OCA2: variants seen among roughly 807,000 people sequenced by gnomAD.
The protein encoded by OCA2 is OCA2 melanosomal transmembrane protein, also known as P protein.
Under a neutral mutation model 100.2 loss-of-function variants are expected in OCA2, and 77 were observed. The observed-to-expected ratio is 0.77, with a 90% CI of 0.64 to 0.93. The LOEUF (loss-of-function observed/expected upper bound fraction) is 0.93, where lower values mean the gene tolerates loss of function less well. OCA2 is among the 40% of genes least tolerant of loss of function. The pLI, the probability that OCA2 is intolerant of heterozygous loss-of-function variation, is 0.00. For synonymous variants in OCA2, 432 were observed against 439.2 expected (o/e 0.98, Z 0.21); for missense variants, 1,062 against 1,089.1 (o/e 0.98, Z 0.35).
At chr15:27,966,985 C>T (rs2040591216) in intron 14 of OCA2, among the ~76,000 whole-genome samples, 163 bp from the exon 15 acceptor site, 1 of 152,184 alleles carries the variant, frequency 6.6e-6, no homozygotes, top group African/African-American at 2.4e-5. Flanking sequence ...AAAAAATTAA[C>T]TGGGCGTGGT....
intron 6 of OCA2, among the ~76,000 whole-genome samples, chr15:28,022,251 T>G (rs906419244): frequency 3.3e-5 from 5 of 152,120 alleles, no homozygotes; most frequent in African/African-American, 1.2e-4. Flanking sequence ...AGGTCCTGGC[T>G]GGAATGTGCC....
chr15:27,761,249 T>G (rs1181772167), intron 23 of OCA2, among the ~76,000 whole-genome samples: 1 of 152,008 alleles, frequency 6.6e-6, no homozygotes, highest in African/African-American at 2.4e-5. Context: ...CAGCAAGGAC[T>G]GCAACACAAG....
At chr15:27,808,455 C>T (rs999680281) in intron 23 of OCA2, among the ~76,000 whole-genome samples, 2 of 152,278 alleles carry the variant, frequency 1.3e-5, no homozygotes, top group Non-Finnish European at 2.9e-5. Flanking sequence ...AAAGAGAAAC[C>T]GTCCAACCGT....
intron 2 of OCA2, among the ~76,000 whole-genome samples, chr15:28,072,368 T>TCA (rs1180763427): frequency 2.0e-5 from 3 of 151,882 alleles, no homozygotes; most frequent in African/African-American, 7.3e-5. Flanking sequence ...GGCGGGAGGA[T>TCA]CACACAGTCA....
At chr15:27,926,764 C>A (rs1408278372) in intron 18 of OCA2, among the ~76,000 whole-genome samples, 1 of 152,086 alleles carries the variant, frequency 6.6e-6, no homozygotes, top group East Asian at 1.9e-4. Flanking sequence ...AGTCATGCAC[C>A]ACCACACCCA....
At chr15:28,054,199 CATGT>C (rs1476260236) in intron 2 of OCA2, among the ~76,000 whole-genome samples, 1 of 150,842 alleles carries the variant, frequency 6.6e-6, no homozygotes, top group Non-Finnish European at 1.5e-5. Flanking sequence ...TGTGTGCACA[CATGT>C]ATGTGTGTAT....
At chr15:27,964,861 T>G (rs1351217111) in intron 15 of OCA2, among the ~76,000 whole-genome samples, 1 of 152,090 alleles carries the variant, frequency 6.6e-6, no homozygotes, top group African/African-American at 2.4e-5. Flanking sequence ...GGCCATAGGG[T>G]TCCTGCATCA....
At chr15:27,944,099 T>C (rs906121119) in intron 18 of OCA2, among the ~76,000 whole-genome samples, 16 of 152,222 alleles carry the variant, frequency 1.1e-4, no homozygotes, top group African/African-American at 3.9e-4. Context: ...CGTTTTTGGC[T>C]TTACCATTTG....
At chr15:27,871,048 C>T (rs2036548057) in intron 21 of OCA2, 106 bp downstream of exon 21, 13 of 852,012 alleles carry the variant, frequency 1.5e-5, no homozygotes, top group Non-Finnish European at 2.6e-5. Flanking sequence ...CCTGTGAGTG[C>T]AGCAGAGGGG....
In OCA2 at chr15:28,084,701, C is replaced by T. The variant is rs75558287; in HGVS notation, c.-21-2806G>A. On this transcript the variant is annotated intron_variant, in intron 1 of 23. Coordinates refer to ENST00000354638, the MANE Select transcript of OCA2 (RefSeq NM_000275.3). ...ACTCAGTGCAGACAGGATCCATGTC[C>T]TCGTGGCTGCATGACTCAGGGCTGC... 6.7e-4 allele frequency among the ~76,000 whole-genome samples: 102 copies of T among 152,254 alleles called. No homozygotes were observed. The East Asian group carries it at 7.4e-3, about 11-fold the overall frequency.
At position 27,845,149 on chromosome 15, in the gene OCA2, A is replaced by G. The variant is rs577312128; in HGVS notation, c.2339-97T>C. The stretch of plus-strand genomic sequence containing the variant: ...TATTTAGATCATCTCACAGGCTTTG[A>G]TTTGATTATTATTTTATAGTCAAAG... On this transcript the variant is annotated intron_variant, in intron 22 of 23. Coordinates refer to ENST00000354638, the MANE Select transcript of OCA2 (RefSeq NM_000275.3). 12 of 924,026 alleles carry G rather than the reference A, an allele frequency of 1.3e-5. No homozygotes were observed. In the East Asian group the frequency reaches 2.8e-4, roughly 21 times the overall value. 57.2% of individuals were successfully genotyped at this position (924,026 alleles called of 1,614,324 possible).
intron 2 of OCA2, among the ~76,000 whole-genome samples, chr15:28,052,624 T>C (rs919376243): frequency 2.6e-5 from 4 of 152,196 alleles, no homozygotes; most frequent in Non-Finnish European, 5.9e-5. Context: ...CCCCATCAGA[T>C]ACTCTATAAA....
chr15:27,930,388 C>A (rs1233924840), intron 18 of OCA2, among the ~76,000 whole-genome samples: 1 of 151,952 alleles, frequency 6.6e-6, no homozygotes, highest in African/African-American at 2.4e-5. Flanking sequence ...AGAAGCCAGA[C>A]CAAATATACA....
chr15:27,956,072 G>A (rs552541580), intron 16 of OCA2, among the ~76,000 whole-genome samples: 7 of 152,248 alleles, frequency 4.6e-5, no homozygotes, highest in South Asian at 2.1e-4. Flanking sequence ...CTTGCAGGAC[G>A]GGCGTGGTGA....
chr15:27,732,604 C>A, the OCA2 span, among the ~76,000 whole-genome samples: 1 of 152,120 alleles, frequency 6.6e-6, no homozygotes, highest in African/African-American at 2.4e-5. Flanking sequence ...TGTGCAAGCC[C>A]CTCAAGGTGT....
At chr15:27,899,956 C>G (rs1042753818) in intron 19 of OCA2, among the ~76,000 whole-genome samples, 4 of 152,106 alleles carry the variant, frequency 2.6e-5, no homozygotes, top group African/African-American at 9.7e-5. Flanking sequence ...TTATCTTGAG[C>G]TCAGTGGATT....
chr15:27,891,546 T>C (rs1312210408), intron 19 of OCA2, among the ~76,000 whole-genome samples: 1 of 152,206 alleles, frequency 6.6e-6, no homozygotes, highest in Admixed American at 6.5e-5. Context: ...ACTAAGCACA[T>C]TCTTCTGTAT....
At chr15:27,863,163 C>A (rs1387275148) in intron 21 of OCA2, among the ~76,000 whole-genome samples, 1 of 152,116 alleles carries the variant, frequency 6.6e-6, no homozygotes, top group African/African-American at 2.4e-5. Context: ...AGGCAGATGG[C>A]AGGCACAGAG....
At chr15:27,913,939 G>A (rs78283766) in intron 19 of OCA2, among the ~76,000 whole-genome samples, 1 of 141,556 alleles carries the variant, frequency 7.1e-6, no homozygotes, top group Non-Finnish European at 1.5e-5. Context: ...AAGAAAGAAA[G>A]AAAAAAATTT....
Sources: gnomAD v4.1 joint callset for allele counts (sites outside exome capture counted in the v4.1 genomes callset) on GRCh38, gnomAD v4.1.1 for gene constraint, MANE v1.5 for transcripts, NCBI Gene and HGNC (gene_info 2026-07-23, HGNC 2026-07-21) for gene names.